Variants in MOK observed in about 807,000 individuals in gnomAD.
MOK encodes MOK protein kinase.
In MOK, 59 loss-of-function variants were observed where a neutral mutation model predicts 54.2. That is an observed-to-expected ratio of 1.09 (90% CI 0.88 to 1.35). The LOEUF (loss-of-function observed/expected upper bound fraction) is 1.35. Ranked by LOEUF, MOK falls within the 40% of genes most tolerant of loss-of-function variation. MOK has a pLI of 0.00. For missense variants in MOK, 517 were observed against 526.2 expected (o/e 0.98, Z 0.17); for synonymous variants, 210 against 202.7 (o/e 1.04, Z -0.31).
At chr14:102,276,662 A>C (rs1216840940) in intron 2 of MOK, among the ~76,000 whole-genome samples, 2 of 151,610 alleles carry the variant, frequency 1.3e-5, no homozygotes, top group African/African-American at 4.8e-5. Flanking sequence ...GTGATGGTGC[A>C]TGCCTGTAAT....
chr14:102,247,469 C>G, intron 7 of MOK: 1 of 152,226 alleles, frequency 6.6e-6, no homozygotes, highest in Non-Finnish European at 1.5e-5. Flanking sequence ...CCAGTTAATA[C>G]CCGCATCCGA....
At position 102,263,592 on chromosome 14, in the gene MOK, T is replaced by G. The variant is rs80175689; in HGVS notation, c.237A>C (p.Ala79=). 17 of 1,606,162 alleles carry G rather than the reference T, an allele frequency of 1.1e-5. No individual in the cohort carries two copies. Among genetic ancestry groups the G allele is most frequent in the Non-Finnish European group, 1.4e-5 (17 of 1,177,208 alleles). The change falls in exon 4 of 12, where the codon GCA becomes GCC. Residue 79 remains alanine, a synonymous_variant. Coordinates refer to ENST00000361847, the MANE Select transcript of MOK (RefSeq NM_014226.3). The part of the protein sequence containing the change: ...VVFDRKSGSL[A]LICELMDMNI... ...TCATGTCCATAAGTTCACATATTAG[T>G]GCAAGAGAACCAGATTTTCTGTCAC...
At chr14:102,270,902 A>G (rs958106504) in intron 2 of MOK, among the ~76,000 whole-genome samples, 1 of 152,180 alleles carries the variant, frequency 6.6e-6, no homozygotes, top group African/African-American at 2.4e-5. Flanking sequence ...AAGGAAAATT[A>G]TACTTCAGGC....
chr14:102,294,178 G>T (rs1209343151), intron 1 of MOK, among the ~76,000 whole-genome samples: 2 of 151,178 alleles, frequency 1.3e-5, no homozygotes, highest in Non-Finnish European at 2.9e-5. Flanking sequence ...CGGGTGCGGT[G>T]GCTCATGCCT....
At chr14:102,304,872 C>T in intron 1 of MOK, 90 bp downstream of exon 1, 3 of 1,446,224 alleles carry the variant, frequency 2.1e-6, no homozygotes, top group Non-Finnish European at 2.8e-6. Flanking sequence ...CCCGGCCCCA[C>T]AGGCCCCTCA....
chr14:102,276,514 TAAA>T lies in MOK; in HGVS notation c.122+6961_122+6963del, dbSNP rs1489264426. Among the ~76,000 whole-genome samples, 5 of 151,734 alleles carry T rather than the reference TAAA, an allele frequency of 3.3e-5. No individual in the cohort carries two copies. In the South Asian group the frequency reaches 1.0e-3, roughly 31 times the overall value. On this transcript the variant is annotated intron_variant, in intron 2 of 11. Coordinates refer to ENST00000361847, the MANE Select transcript of MOK (RefSeq NM_014226.3). ...TAATTAATTAAATTAAATAAAAAAA[TAAA>T]AAGTTACAATCACTTTGAGAAAAGG...
intron 7 of MOK, among the ~76,000 whole-genome samples, chr14:102,250,296 G>T (rs914696718): frequency 6.6e-6 from 1 of 152,112 alleles, no homozygotes; most frequent in Non-Finnish European, 1.5e-5. Context: ...CATTCACCTC[G>T]GAGTGGGACC....
At chr14:102,265,354 G>A (rs1418048234) in intron 3 of MOK, among the ~76,000 whole-genome samples, 7 of 152,268 alleles carry the variant, frequency 4.6e-5, no homozygotes, top group South Asian at 4.1e-4. Context: ...GATGCTGGCC[G>A]GGCACAGTGG....
intron 4 of MOK, among the ~76,000 whole-genome samples, chr14:102,262,972 C>T (rs2067597801): frequency 6.6e-6 from 1 of 152,232 alleles, no homozygotes; most frequent in African/African-American, 2.4e-5. Flanking sequence ...GCCAGCCTCT[C>T]CTTTTCTCCT....
downstream of MOK, chr14:102,226,322 C>A (rs1272672996): frequency 2.8e-6 from 2 of 702,992 alleles, no homozygotes; most frequent in African/African-American, 3.5e-5. The surrounding 1 kb of genome is among the most constrained non-coding windows in gnomAD (Gnocchi z 4.8). Flanking sequence ...GGGCAGCATG[C>A]AGGTGCTCAG....
chr14:102,283,641 T>TTG (rs2069713376), intron 1 of MOK, 49 bp from the exon 2 acceptor site: 1 of 1,165,708 alleles, frequency 8.6e-7, no homozygotes, highest in Non-Finnish European at 1.3e-6. Flanking sequence ...ATGCATACAC[T>TTG]TGTATTCACT....
chr14:102,222,051 G>A (rs955014604), downstream of MOK, among the ~76,000 whole-genome samples: 13 of 152,126 alleles, frequency 8.5e-5, no homozygotes, highest in Non-Finnish European at 4.4e-5. The surrounding 1 kb of genome is among the most constrained non-coding windows in gnomAD (Gnocchi z 4.4). Flanking sequence ...TTTACCCAAG[G>A]TCACACCAGT....
At chr14:102,297,950 C>G (rs549045121) in intron 1 of MOK, among the ~76,000 whole-genome samples, 130 of 152,336 alleles carry the variant, frequency 8.5e-4, no homozygotes, top group Non-Finnish European at 1.5e-3. Context: ...ACCTGCATCC[C>G]GCCATGCCTG....
chr14:102,259,749 T>A (rs973829887), intron 4 of MOK, among the ~76,000 whole-genome samples: 1 of 152,046 alleles, frequency 6.6e-6, no homozygotes, highest in Non-Finnish European at 1.5e-5. Context: ...CAAATGAGGA[T>A]AATAACAGTA....
chr14:102,282,600 G>A lies in MOK; in HGVS notation c.122+878C>T, dbSNP rs867544356. Among the ~76,000 whole-genome samples, 20 of 152,076 alleles carry A rather than the reference G, an allele frequency of 1.3e-4. No individual in the cohort carries two copies. The Middle Eastern group carries it at 0.014, about 103-fold the overall frequency. On this transcript the variant is annotated intron_variant, in intron 2 of 11. Coordinates refer to ENST00000361847, the MANE Select transcript of MOK (RefSeq NM_014226.3). ...AAATACAAAAATTAGCCAGGCGTGTGGTGTGCTCCTGTGGTCCCAGCTACT... is the reference window on the plus strand; with the variant it reads ...AAATACAAAAATTAGCCAGGCGTGTAGTGTGCTCCTGTGGTCCCAGCTACT...
rs930448238 is a variant in MOK, at chr14:102,284,797, G to T, written c.8-1205C>A. Reference sequence around the variant, plus strand: ...CACAAAGAAATAAGGCAGGCTTGGGGCCAGGCGCGGTGGCTCACGCCTGTA... The same window carrying T: ...CACAAAGAAATAAGGCAGGCTTGGGTCCAGGCGCGGTGGCTCACGCCTGTA... On this transcript the variant is annotated intron_variant, in intron 1 of 11. Coordinates refer to ENST00000361847, the MANE Select transcript of MOK (RefSeq NM_014226.3). Among the ~76,000 whole-genome samples, 4 of 152,160 alleles carry T rather than the reference G, an allele frequency of 2.6e-5. No homozygotes were observed. In the East Asian group the frequency reaches 5.8e-4, roughly 22 times the overall value.
chr14:102,280,730 T>C (rs1251909059), intron 2 of MOK: 1 of 152,166 alleles, frequency 6.6e-6, no homozygotes, highest in African/African-American at 2.4e-5. Context: ...CCAGGCACTT[T>C]TGGTGTGTGA....
At chr14:102,248,072 C>A (rs1316068361) in intron 7 of MOK, among the ~76,000 whole-genome samples, 1 of 152,182 alleles carries the variant, frequency 6.6e-6, no homozygotes, top group East Asian at 1.9e-4. Context: ...TCCAGCCTTC[C>A]CCCATAACCA....
At chr14:102,220,770 TTATC>T (rs1433873334), downstream of MOK, among the ~76,000 whole-genome samples, 16 of 151,858 alleles carry the variant, frequency 1.1e-4, no homozygotes, top group African/African-American at 3.9e-4. This position sits in a 1 kb window ranked among gnomAD's most constrained non-coding sequence, Gnocchi z 4.2. Context: ...CTTGTTTTTA[TTATC>T]TATCTTTTCA....
Sources: gnomAD v4.1 joint callset for allele counts (sites outside exome capture counted in the v4.1 genomes callset) on GRCh38, gnomAD v4.1.1 for gene constraint, Gnocchi (gnomAD v3.1) non-coding constraint, MANE v1.5 for transcripts, NCBI Gene and HGNC (gene_info 2026-07-23, HGNC 2026-07-21) for gene names.